The following TMEM178B variants were observed in gnomAD, a reference collection of about 807,000 sequenced individuals.
The protein encoded by TMEM178B is transmembrane protein 178B.
TMEM178B carries 5 observed loss-of-function variants against 31.0 expected under a neutral mutation model. That is an observed-to-expected ratio of 0.16 (90% CI 0.08 to 0.34). The LOEUF is 0.34. Ranked by LOEUF, TMEM178B falls within the 10% of genes least tolerant of loss-of-function variation. TMEM178B has a pLI of 1.00. For missense variants in TMEM178B, 275 were observed against 400.3 expected (o/e 0.69, Z 2.67); for synonymous variants, 164 against 164.0 (o/e 1.00, Z 0.00).
intron 1 of TMEM178B, among the ~76,000 whole-genome samples, chr7:141,134,879 CT>C (rs1795651293): frequency 6.6e-6 from 1 of 152,194 alleles, no homozygotes; most frequent in African/African-American, 2.4e-5. Flanking sequence ...CAAATCTCAT[CT>C]TATATCTCCC....
intron 1 of TMEM178B, among the ~76,000 whole-genome samples, chr7:141,206,499 A>G (rs2041536): frequency 0.66 from 100,321 of 151,880 alleles, 33,585 homozygotes; most frequent in Middle Eastern, 0.7. Flanking sequence ...GTTGTGCTAC[A>G]GGGAGGAACT....
At chr7:141,257,131 G>A (rs1288453953) in intron 2 of TMEM178B, among the ~76,000 whole-genome samples, 3 of 152,180 alleles carry the variant, frequency 2.0e-5, no homozygotes, top group Non-Finnish European at 2.9e-5. Context: ...CCAGTGATGT[G>A]GAAGGAAACC....
chr7:141,479,790 CTTTAT>C lies in TMEM178B; in HGVS notation c.*9009_*9013del, dbSNP rs943437691. The C allele has an allele frequency of 1.3e-5, 2 of 152,138 alleles. No individual in the cohort carries two copies. Among genetic ancestry groups the C allele is most frequent in the East Asian group, 1.9e-4 (1 of 5,198 alleles). 9.4% of individuals were successfully genotyped at this position (152,138 alleles called of 1,614,324 possible). On this transcript the variant is annotated 3_prime_UTR_variant, in exon 4 of 4. Transcript: ENST00000565468. ...GCTCAGTCAATATAAATTTATTTAC[CTTTAT>C]TTTAATTTGCATAGTGCTTTCTGAT...
chr7:141,168,350 G>A (rs1796293974), intron 1 of TMEM178B, among the ~76,000 whole-genome samples: 2 of 152,146 alleles, frequency 1.3e-5, no homozygotes, highest in African/African-American at 4.8e-5. Flanking sequence ...AGGTCTCTAG[G>A]CCTTGGAGAA....
intron 2 of TMEM178B, among the ~76,000 whole-genome samples, chr7:141,394,744 A>G (rs908740491): frequency 7.9e-5 from 12 of 152,150 alleles, no homozygotes; most frequent in Non-Finnish European, 1.8e-4. Context: ...TTTTGCATCT[A>G]TGCTATATTA....
intron 2 of TMEM178B, among the ~76,000 whole-genome samples, chr7:141,348,908 T>C (rs900128151): frequency 6.6e-6 from 1 of 152,168 alleles, no homozygotes; most frequent in Non-Finnish European, 1.5e-5. Flanking sequence ...GCGGAGCTCA[T>C]GACAGAGTGA....
chr7:141,264,164 GA>G (rs1370725346), intron 2 of TMEM178B, among the ~76,000 whole-genome samples: 2 of 152,176 alleles, frequency 1.3e-5, no homozygotes, highest in Non-Finnish European at 2.9e-5. Flanking sequence ...GCTGGAGGTT[GA>G]GCTGACTCAG....
At chr7:141,127,349 G>A (rs1020426430) in intron 1 of TMEM178B, among the ~76,000 whole-genome samples, 1 of 152,186 alleles carries the variant, frequency 6.6e-6, no homozygotes, top group Non-Finnish European at 1.5e-5. Context: ...CCTAGAACCT[G>A]TGAAGGTGCT....
intron 2 of TMEM178B, among the ~76,000 whole-genome samples, chr7:141,294,357 T>C (rs1364413549): frequency 6.6e-6 from 1 of 152,184 alleles, no homozygotes; most frequent in Non-Finnish European, 1.5e-5. Context: ...CCAGGCCTTT[T>C]ATTTTGAGAC....
At chr7:141,336,251 G>C (rs906327391) in intron 2 of TMEM178B, among the ~76,000 whole-genome samples, 3 of 152,058 alleles carry the variant, frequency 2.0e-5, no homozygotes, top group Non-Finnish European at 4.4e-5. Context: ...TCCTGCCCAC[G>C]TGTAAACTGC....
At chr7:141,113,212 T>G (rs150668898) in intron 1 of TMEM178B, among the ~76,000 whole-genome samples, 6 of 152,156 alleles carry the variant, frequency 3.9e-5, no homozygotes, top group Admixed American at 2.6e-4. Flanking sequence ...CCAAGATTGG[T>G]TTTTGGGTTT....
chr7:141,334,113 G>A (rs1799342475), intron 2 of TMEM178B, among the ~76,000 whole-genome samples: 1 of 152,200 alleles, frequency 6.6e-6, no homozygotes, highest in African/African-American at 2.4e-5. Context: ...TCTGGTATTT[G>A]TTCGTCTTCA....
chr7:141,489,236 A>T, the TMEM178B span, among the ~76,000 whole-genome samples: 1 of 152,210 alleles, frequency 6.6e-6, no homozygotes, highest in Non-Finnish European at 1.5e-5. Flanking sequence ...GCTTGAAAAG[A>T]GGCCAGACTT....
chr7:141,424,381 A>G (rs764079815), intron 2 of TMEM178B, among the ~76,000 whole-genome samples: 1 of 152,200 alleles, frequency 6.6e-6, no homozygotes, highest in African/African-American at 2.4e-5. Flanking sequence ...TCCACAGTAC[A>G]TGCGCACTGT....
At chr7:141,495,856 T>C in the TMEM178B span, among the ~76,000 whole-genome samples, 1 of 152,118 alleles carries the variant, frequency 6.6e-6, no homozygotes, top group African/African-American at 2.4e-5. Context: ...TTCCAGAAGG[T>C]ATGTGAGTTT....
chr7:141,255,881 G>T (rs1365289106), intron 2 of TMEM178B, among the ~76,000 whole-genome samples: 2 of 152,208 alleles, frequency 1.3e-5, no homozygotes, highest in Admixed American at 6.5e-5. Flanking sequence ...TAAAGCAAAA[G>T]GTCAGGATGG....
chr7:141,197,129 C>T (rs725), intron 1 of TMEM178B, among the ~76,000 whole-genome samples: 108,776 of 152,130 alleles, frequency 0.72, 39,367 homozygotes, highest in African/African-American at 0.78. Context: ...CATAGTATAA[C>T]AATAGCTATA....
intron 2 of TMEM178B, among the ~76,000 whole-genome samples, chr7:141,288,067 C>T (rs1233353574): frequency 6.6e-6 from 1 of 152,150 alleles, no homozygotes; most frequent in African/African-American, 2.4e-5. Context: ...GATGCCCTGA[C>T]CCCTGTGGCA....
intron 2 of TMEM178B, among the ~76,000 whole-genome samples, chr7:141,396,449 G>A (rs1800640654): frequency 6.6e-6 from 1 of 152,208 alleles, no homozygotes; most frequent in African/African-American, 2.4e-5. Flanking sequence ...TGCGGCATTT[G>A]CCGCCTTGAA....
Sources: allele counts gnomAD v4.1 joint callset (sites outside exome capture counted in the v4.1 genomes callset), GRCh38; gene constraint gnomAD v4.1.1; transcripts MANE v1.5; gene names NCBI Gene and HGNC (gene_info 2026-07-23, HGNC 2026-07-21).